Variants in RSPH6A observed in about 807,000 individuals in gnomAD.
RSPH6A encodes the protein radial spoke head protein 6 homolog A.
In RSPH6A, 49 loss-of-function variants were observed where a neutral mutation model predicts 66.1. That is an observed-to-expected ratio of 0.74 (90% CI 0.59 to 0.94). RSPH6A has a LOEUF of 0.94. Among genes scored for constraint, RSPH6A ranks in the 40% least tolerant of loss-of-function variants. The pLI is 0.00. For synonymous variants in RSPH6A, 419 were observed against 402.4 expected (o/e 1.04, Z -0.49); for missense variants, 977 against 948.3 (o/e 1.03, Z -0.40).
intron 1 of RSPH6A, among the ~76,000 whole-genome samples, chr19:45,812,589 A>G (rs1006070266): frequency 5.9e-5 from 9 of 152,104 alleles, no homozygotes; most frequent in African/African-American, 2.2e-4. Context: ...CACTTGGGGA[A>G]TAGCCAGAGG....
At chr19:45,796,360 G>A (rs2146279209) in intron 5 of RSPH6A, among the ~76,000 whole-genome samples, 1 of 151,364 alleles carries the variant, frequency 6.6e-6, no homozygotes, top group African/African-American at 2.4e-5. Flanking sequence ...CACCATGTTG[G>A]CCAGTGTGGT....
At chr19:45,814,386 A>G in intron 1 of RSPH6A, 141 bp downstream of exon 1, 1 of 677,256 alleles carries the variant, frequency 1.5e-6, no homozygotes, top group South Asian at 3.4e-5. Flanking sequence ...TGTTGTTGGC[A>G]TTGATTCCGA....
rs888450832 is a variant in RSPH6A, at chr19:45,801,548, G to T, written c.1798+572C>A. 2.0e-5 allele frequency among the ~76,000 whole-genome samples: 3 copies of T among 152,118 alleles called. No homozygotes were observed. In the South Asian group the frequency reaches 6.2e-4, roughly 32 times the overall value. ...GGCCGAGTAAGGTGGATCACTTGAG[G>T]CCAGGAGTTCGAGATCAGCCTGGCC... On this transcript the variant is annotated intron_variant, in intron 4 of 5. Transcript: ENST00000221538.
In RSPH6A at chr19:45,804,743, C is replaced by T. The variant is rs766382171; in HGVS notation, c.1162G>A (p.Gly388Ser). ...TCGTCCTCCTCGCCCTCCTCCTCGC[C>T]GTGCGCCTCCATGACCTCGCCACCT... is the stretch of plus-strand genomic sequence containing the variant. ...TEGGEVMEAHGEEEGEEDEEK... is the reference protein window; with the variant it reads ...TEGGEVMEAHSEEEGEEDEEK... Residue 388 changes from glycine (G) to serine (S), a missense_variant, in exon 3 of 6, where the codon GGC becomes AGC. By Grantham distance (56) the Gly-to-Ser change is moderately conservative (BLOSUM62 0). Transcript: ENST00000221538. The surrounding 1 kb of genome is among the most constrained non-coding windows in gnomAD (Gnocchi z 5.8). The T allele has an allele frequency of 3.1e-6, 5 of 1,612,904 alleles. No homozygotes were observed. Among genetic ancestry groups the T allele is most frequent in the Admixed American group, 1.7e-5 (1 of 59,752 alleles).
intron 4 of RSPH6A, among the ~76,000 whole-genome samples, 153 bp downstream of exon 4, chr19:45,801,967 G>C (rs1203080282): frequency 5.3e-5 from 8 of 152,168 alleles, no homozygotes; most frequent in Admixed American, 5.2e-4. Context: ...CCTCCTGATG[G>C]GGCCACTGTG....
intron 5 of RSPH6A, among the ~76,000 whole-genome samples, chr19:45,798,817 CA>C (rs753002399): frequency 2.1e-4 from 29 of 137,090 alleles, no homozygotes; most frequent in Non-Finnish European, 4.0e-4. Context: ...CCAGCCTGGG[CA>C]ACAGAGCGAG....
In RSPH6A at chr19:45,800,498, C is replaced by T. The variant is rs1187421522; in HGVS notation, c.1864G>A (p.Ala622Thr). The T allele has an allele frequency of 3.7e-6, 6 of 1,613,588 alleles. No homozygotes were observed. The highest frequency in any genetic ancestry group is 5.1e-6 in the Non-Finnish European group (6 of 1,179,922). Residue 622 changes from alanine (A) to threonine (T), a missense_variant, in exon 5 of 6, where the codon GCC becomes ACC. Transcript: ENST00000221538. ...GGCCAGAGGTTGGAGCGCACAACGG[C>T]CACTGAGTACTGCGGGCAGAGGCTG... ...SCSLCPQYSV[A>T]VVRSNLWPGA...
chr19:45,802,944 T>C (rs1249158873), intron 3 of RSPH6A, among the ~76,000 whole-genome samples: 17 of 149,870 alleles, frequency 1.1e-4, no homozygotes, highest in Non-Finnish European at 4.4e-5. Flanking sequence ...AGCAGTGGCT[T>C]ACGCCTGTAA....
chr19:45,811,560 C>A (rs1970628335), intron 1 of RSPH6A, among the ~76,000 whole-genome samples: 1 of 150,886 alleles, frequency 6.6e-6, no homozygotes, highest in Non-Finnish European at 1.5e-5. Flanking sequence ...GCCTCAGCCT[C>A]CCAAGTAGCT....
Position 45,815,133 on chromosome 19 carries a change from G to C in RSPH6A, c.44C>G (p.Pro15Arg), listed in dbSNP as rs745718111. ...GGCCTGAGAAGTCCTCCGGCCCGGA[G>C]GCTGCTGGGCAGGGCGCTCAGGGTA... ...PPYPERPAQQ[P>R]PGRRTSQASQ... Residue 15 changes from proline (P) to arginine (R), a missense_variant, in exon 1 of 6, where the codon CCT (proline) becomes CGT (arginine). Physicochemically the swap from Pro to Arg is moderately radical, Grantham distance 103 (BLOSUM62 -2). Transcript: ENST00000221538. 9.3e-6 allele frequency: 15 copies of C among 1,611,124 alleles called. No homozygotes were observed. The highest frequency in any genetic ancestry group is 5.1e-6 in the Non-Finnish European group (6 of 1,179,858).
In RSPH6A at chr19:45,804,647, G is replaced by A. The variant is rs768527879; in HGVS notation, c.1258C>T (p.Arg420Cys). 1.5e-5 allele frequency: 25 copies of A among 1,614,076 alleles called. No homozygotes were observed. The highest frequency in any genetic ancestry group is 2.0e-5 in the Non-Finnish European group (24 of 1,180,012). The change falls in exon 3 of 6, where the codon CGC (arginine) becomes TGC (cysteine). Residue 420 changes from arginine to cysteine, a missense_variant. By Grantham distance (180) the Arg-to-Cys change is radical. Coordinates refer to ENST00000221538, the MANE Select transcript of RSPH6A (RefSeq NM_030785.4). This position sits in a 1 kb window ranked among gnomAD's most constrained non-coding sequence, Gnocchi z 5.8. ...TACAGGTACTTGTTGGCGCCTGAGC[G>A]GCTCTCCTCCTTGGGGATCACGGGC... is the stretch of plus-strand genomic sequence containing the variant. ...PPPVIPKEES[R>C]SGANKYLYFV...
At chr19:45,803,342 T>C (rs908351585) in intron 3 of RSPH6A, among the ~76,000 whole-genome samples, 1 of 151,602 alleles carries the variant, frequency 6.6e-6, no homozygotes, top group Non-Finnish European at 1.5e-5. Context: ...ATCTCATCAC[T>C]GCACGCCAGC....
rs138318118 is a variant in RSPH6A, at chr19:45,802,249, C to T, written c.1669G>A (p.Val557Met). Residue 557 changes from valine to methionine, a missense_variant, in exon 4 of 6, where the codon GTG becomes ATG. Val to Met is a conservative substitution (Grantham distance 21). Coordinates refer to ENST00000221538, the MANE Select transcript of RSPH6A (RefSeq NM_030785.4). Reference protein sequence around the residue: ...HILPQGRCTWVNPLQKTEEEE... With the variant: ...HILPQGRCTWMNPLQKTEEEE... ...TCCTCTGTCTTCTGCAAAGGGTTCA[C>T]CCAAGTGCAGCGGCCCTGGGGGTGG... 1.3e-4 allele frequency: 194 copies of T among 1,461,310 alleles called. No individual in the cohort carries two copies. The highest frequency in any genetic ancestry group is 9.1e-4 in the Middle Eastern group (5 of 5,524). 90.5% of individuals were successfully genotyped at this position (1,461,310 alleles called of 1,614,324 possible).
chr19:45,814,538 G>C lies in RSPH6A; in HGVS notation c.639C>G (p.Cys213Trp), dbSNP rs745728424. Residue 213 changes from cysteine to tryptophan, a missense_variant, in exon 1 of 6, where the codon TGC (cysteine) becomes TGG (tryptophan). Coordinates refer to ENST00000221538, the MANE Select transcript of RSPH6A (RefSeq NM_030785.4). ...TAGCCCCTGCTCACAGGCTGAGGTC[G>C]CAATTGATGCTGGTCTGCAGCAGGT... ...KAYLLQTSIN[C>W]DLSLYEHLVN... is the part of the protein sequence containing the mutation. 6.6e-7 allele frequency: 1 copy of C among 1,504,330 alleles called. No homozygotes were observed. Among genetic ancestry groups the C allele is most frequent in the Non-Finnish European group, 8.9e-7 (1 of 1,125,710 alleles). 93.2% of individuals were successfully genotyped at this position (1,504,330 alleles called of 1,614,324 possible).
At chr19:45,814,335 T>A (rs4514788) in intron 1 of RSPH6A, among the ~76,000 whole-genome samples, 192 bp downstream of exon 1, 17 of 152,016 alleles carry the variant, frequency 1.1e-4, no homozygotes, top group Non-Finnish European at 2.1e-4. Context: ...ATTAGGTGAG[T>A]GTGTGCAGTG....
In RSPH6A at chr19:45,804,936, G is replaced by A; in HGVS notation, c.969C>T (p.Ser323=). 6.2e-7 allele frequency: 1 copy of A among 1,614,202 alleles called. No homozygotes were observed. Among genetic ancestry groups the A allele is most frequent in the South Asian group, 1.1e-5 (1 of 91,080 alleles). ...QAGVGLSSDE[S]FRIFLAMKQL... Reference sequence around the variant, plus strand: ...GTTTCATGGCCAGGAAAATGCGGAAGCTCTCGTCCGAGCTCAGGCCGACGC... The same window carrying A: ...GTTTCATGGCCAGGAAAATGCGGAAACTCTCGTCCGAGCTCAGGCCGACGC... The change falls in exon 3 of 6, where the codon AGC becomes AGT. Residue 323 remains serine (S), a synonymous_variant. Transcript: ENST00000221538. The surrounding 1 kb of genome is among the most constrained non-coding windows in gnomAD (Gnocchi z 5.8).
rs201992328 is a variant in RSPH6A at position 45,802,149 on chromosome 19, G to T, written c.1769C>A (p.Pro590Gln). Residue 590 changes from proline to glutamine, a missense_variant, in exon 4 of 6, where the codon CCA (proline) becomes CAA (glutamine). By Grantham distance (76) the Pro-to-Gln change is moderately conservative. Transcript: ENST00000221538. ...PEEVEQEVGP[P>Q]LLTPLSEDAE... ...ATCTTCTGAAAGTGGCGTTAGCAGT[G>T]GGGGGCCAACCTCCTGCTCCACCTC... is the stretch of plus-strand genomic sequence containing the variant. 4.6e-5 allele frequency: 72 copies of T among 1,551,612 alleles called. No homozygotes were observed. The highest frequency in any genetic ancestry group is 9.9e-5 in the East Asian group (4 of 40,492).
chr19:45,800,927 A>G (rs1970466419), intron 4 of RSPH6A, among the ~76,000 whole-genome samples: 1 of 151,826 alleles, frequency 6.6e-6, no homozygotes, highest in Non-Finnish European at 1.5e-5. Flanking sequence ...CCTCCCGAGT[A>G]GCTGGGATTA....
rs145815212 is a variant in RSPH6A, at chr19:45,804,551, C to T, written c.1354G>A (p.Ala452Thr). The change falls in exon 3 of 6, where the codon GCC becomes ACC. Residue 452 changes from alanine (A) to threonine (T), a missense_variant. By Grantham distance (58) the Ala-to-Thr change is moderately conservative. Coordinates refer to ENST00000221538, the MANE Select transcript of RSPH6A (RefSeq NM_030785.4). This position sits in a 1 kb window ranked among gnomAD's most constrained non-coding sequence, Gnocchi z 5.8. Reference protein sequence around the residue: ...PHVTPAQIVNARKIKKFFTGY... With the variant: ...PHVTPAQIVNTRKIKKFFTGY... ...GTGAAGAACTTCTTGATCTTTCGGG[C>T]GTTCACGATCTGGGCTGGAGTGACG... The T allele has an allele frequency of 6.2e-6, 10 of 1,614,032 alleles. No individual in the cohort carries two copies. The highest frequency in any genetic ancestry group is 2.7e-5 in the African/African-American group (2 of 74,912).
Sources: allele counts gnomAD v4.1 joint callset (sites outside exome capture counted in the v4.1 genomes callset), GRCh38; gene constraint gnomAD v4.1.1; non-coding constraint Gnocchi (gnomAD v3.1); transcripts MANE v1.5; gene names NCBI Gene and HGNC (gene_info 2026-07-23, HGNC 2026-07-21).